CLNK: variants seen among roughly 807,000 people sequenced by gnomAD.
CLNK encodes the protein cytokine-dependent hematopoietic cell linker.
CLNK carries 74 observed loss-of-function variants against 68.6 expected under a neutral mutation model. The ratio of observed to expected loss-of-function variants is 1.08; its 90% CI spans 0.89 to 1.31. The LOEUF (loss-of-function observed/expected upper bound fraction) is 1.31. Ranked by LOEUF, CLNK falls within the 50% of genes most tolerant of loss-of-function variation. The pLI, the probability that CLNK is intolerant of heterozygous loss-of-function variation, is 0.00. For missense variants in CLNK, 553 were observed against 515.3 expected (o/e 1.07, Z -0.71); for synonymous variants, 198 against 172.2 (o/e 1.15, Z -1.17).
Position 10,643,765 on chromosome 4 carries a change from C to T in CLNK, c.11+24094G>A, listed in dbSNP as rs540260351. On this transcript the variant is annotated intron_variant, in intron 2 of 18. Transcript: ENST00000226951. ...ACTCTCAGTGTCACAAATACATGTC[C>T]AAATGTCCCAGAGGGAAATTCCACC... 2.7e-3 allele frequency among the ~76,000 whole-genome samples: 416 copies of T among 152,328 alleles called. 3 individuals are homozygous for T. Among genetic ancestry groups the T allele is most frequent in the South Asian group, 0.026 (124 of 4,826 alleles).
chr4:10,725,565 C>T, the CLNK span, among the ~76,000 whole-genome samples: 13 of 152,024 alleles, frequency 8.6e-5, no homozygotes, highest in Admixed American at 2.0e-4. Context: ...CCCTCCCCAG[C>T]GAAAAACACA....
the CLNK span, among the ~76,000 whole-genome samples, chr4:10,734,643 A>G: frequency 3.9e-5 from 6 of 152,202 alleles, no homozygotes; most frequent in Non-Finnish European, 7.3e-5. Context: ...ATCTTCTTCG[A>G]TGTCAAAATT....
rs761230631 is a variant in CLNK, at chr4:10,528,057, A to G, written c.649+19T>C. On this transcript the variant is annotated intron_variant, in intron 13 of 18. Transcript: ENST00000226951. The stretch of plus-strand genomic sequence containing the variant: ...AGTCTATTAGTATTAGGGTAAGAAA[A>G]CAAATGTAAACAATTCACCTTTTTC... The G allele has an allele frequency of 1.6e-5, 21 of 1,324,008 alleles. No individual in the cohort carries two copies. In the African/African-American group the frequency reaches 2.9e-4, roughly 18 times the overall value. The allele number at this position is 1,324,008 out of a possible 1,614,324, so 82.0% of individuals were successfully genotyped here.
intron 2 of CLNK, among the ~76,000 whole-genome samples, chr4:10,641,837 C>T (rs999707773): frequency 2.1e-5 from 3 of 139,920 alleles, no homozygotes; most frequent in African/African-American, 9.4e-5. Context: ...GGGGTGGTTT[C>T]CCCCATACTG....
In CLNK at chr4:10,564,720, G is replaced by A; in HGVS notation, c.350C>T (p.Ser117Phe). 2 of 1,613,874 alleles carry A rather than the reference G, an allele frequency of 1.2e-6. No individual in the cohort carries two copies. Among genetic ancestry groups the A allele is most frequent in the South Asian group, 2.2e-5 (2 of 91,074 alleles). ...CCAGGTCGGCTGTCCAATGGAGATA[G>A]AGGTCCTGGTGTCTAACGGAAGGGG... is the stretch of plus-strand genomic sequence containing the variant. ...DTPLPLDTRT[S>F]ISIGQPTWNT... The change falls in exon 7 of 19, where the codon TCT becomes TTT. Residue 117 changes from serine (S) to phenylalanine (F), a missense_variant. Transcript: ENST00000226951.
At chr4:10,597,011 CA>C (rs1247066678) in intron 3 of CLNK, among the ~76,000 whole-genome samples, 2 of 152,204 alleles carry the variant, frequency 1.3e-5, no homozygotes, top group African/African-American at 2.4e-5. Flanking sequence ...GAGAAAGCCA[CA>C]AATTTCCCTC....
intron 3 of CLNK, among the ~76,000 whole-genome samples, chr4:10,593,874 G>C (rs1032932713): frequency 6.6e-6 from 1 of 152,202 alleles, no homozygotes; most frequent in Non-Finnish European, 1.5e-5. Context: ...TGGTGACACT[G>C]TTCCTAGCAT....
intron 2 of CLNK, among the ~76,000 whole-genome samples, chr4:10,602,547 G>A (rs577468997): frequency 6.6e-5 from 10 of 152,342 alleles, no homozygotes; most frequent in African/African-American, 2.4e-4. Flanking sequence ...AACGCTGGAA[G>A]AGGCAGGAAA....
intron 2 of CLNK, among the ~76,000 whole-genome samples, chr4:10,650,000 T>G (rs1723664648): frequency 1.3e-5 from 2 of 152,160 alleles, no homozygotes; most frequent in East Asian, 3.9e-4. Context: ...CAGCCATATA[T>G]CCATTAGTGG....
At chr4:10,551,074 C>A (rs142956854) in intron 8 of CLNK, among the ~76,000 whole-genome samples, 2 of 152,052 alleles carry the variant, frequency 1.3e-5, no homozygotes, top group Non-Finnish European at 2.9e-5. Context: ...AAACAGCATG[C>A]GAGTTAACAT....
In CLNK at chr4:10,522,038, C is replaced by T. The variant is rs1718090868; in HGVS notation, c.732-1207G>A. ...CTTTGGGAGGCTGAGGCAGGCGGATCACAAGGTCAGGAGATCGAGACCATC... is the reference window on the plus strand; with the variant it reads ...CTTTGGGAGGCTGAGGCAGGCGGATTACAAGGTCAGGAGATCGAGACCATC... On this transcript the variant is annotated intron_variant, in intron 14 of 18. Transcript: ENST00000226951. Among the ~76,000 whole-genome samples, 4 of 151,860 alleles carry T rather than the reference C, an allele frequency of 2.6e-5. No individual in the cohort carries two copies. The South Asian group carries it at 8.3e-4, about 31-fold the overall frequency.
intron 2 of CLNK, among the ~76,000 whole-genome samples, chr4:10,608,469 C>G (rs1410199554): frequency 1.3e-5 from 2 of 152,178 alleles, no homozygotes; most frequent in African/African-American, 4.8e-5. Context: ...TAACATGTTT[C>G]CTCTGTGAAC....
chr4:10,510,227 C>T (rs755643275), intron 16 of CLNK, among the ~76,000 whole-genome samples: 4 of 152,044 alleles, frequency 2.6e-5, no homozygotes, highest in Non-Finnish European at 4.4e-5. Context: ...GAATCACTTG[C>T]GGGGGGAGGG....
At chr4:10,633,269 T>A (rs987415600) in intron 2 of CLNK, among the ~76,000 whole-genome samples, 1 of 152,220 alleles carries the variant, frequency 6.6e-6, no homozygotes, top group Admixed American at 6.5e-5. Context: ...TTCCTTTCCC[T>A]GCTAGAATCA....
At chr4:10,609,421 C>T (rs1309715097) in intron 2 of CLNK, among the ~76,000 whole-genome samples, 1 of 152,212 alleles carries the variant, frequency 6.6e-6, no homozygotes, top group Non-Finnish European at 1.5e-5. Context: ...TCTTCTGACT[C>T]ACAGTAAGGC....
At chr4:10,603,815 AG>A (rs1721685230) in intron 2 of CLNK, among the ~76,000 whole-genome samples, 1 of 152,234 alleles carries the variant, frequency 6.6e-6, no homozygotes, top group Non-Finnish European at 1.5e-5. Context: ...TTCCCAAAAA[AG>A]GTTAAGAGAG....
chr4:10,701,825 CA>C, the CLNK span, among the ~76,000 whole-genome samples: 169 of 152,310 alleles, frequency 1.1e-3, 1 homozygote, highest in Non-Finnish European at 2.0e-3. Flanking sequence ...TCCAGGTAGA[CA>C]GACTCCAGAG....
intron 2 of CLNK, among the ~76,000 whole-genome samples, chr4:10,658,628 C>G (rs930359624): frequency 1.3e-5 from 2 of 152,142 alleles, no homozygotes; most frequent in African/African-American, 2.4e-5. Flanking sequence ...AGGGCTTCTC[C>G]GCAAGGCTTG....
chr4:10,592,000 C>A (rs1403209103), intron 3 of CLNK, among the ~76,000 whole-genome samples: 1 of 152,234 alleles, frequency 6.6e-6, no homozygotes, highest in Non-Finnish European at 1.5e-5. Flanking sequence ...AGCTCATACA[C>A]CCAAGACCCT....
Sources: allele counts gnomAD v4.1 joint callset (sites outside exome capture counted in the v4.1 genomes callset), GRCh38; gene constraint gnomAD v4.1.1; transcripts MANE v1.5; gene names NCBI Gene and HGNC (gene_info 2026-07-23, HGNC 2026-07-21).